The following GLMN variants were observed in gnomAD, a reference collection of about 807,000 sequenced individuals.
GLMN encodes the protein glomulin, FKBP associated protein, also known as glomulin.
A neutral mutation model predicts 87.8 loss-of-function variants in GLMN; 75 were observed. The ratio of observed to expected loss-of-function variants is 0.85; its 90% confidence interval spans 0.71 to 1.04. The LOEUF (loss-of-function observed/expected upper bound fraction) is 1.04, where lower values mean the gene tolerates loss of function less well. GLMN is among the 50% of genes least tolerant of loss of function. GLMN has a pLI of 0.00. For missense variants in GLMN, 588 were observed against 658.8 expected (o/e 0.89, Z 1.18); for synonymous variants, 206 against 221.6 (o/e 0.93, Z 0.63).
the GLMN span, among the ~76,000 whole-genome samples, chr1:92,346,500 G>A: frequency 6.6e-6 from 1 of 151,972 alleles, no homozygotes; most frequent in South Asian, 2.1e-4. Context: ...ATCCTCATGT[G>A]GAGTATATAC....
intron 16 of GLMN, among the ~76,000 whole-genome samples, chr1:92,258,520 T>C (rs555250434): frequency 1.3e-5 from 2 of 152,262 alleles, no homozygotes; most frequent in South Asian, 4.1e-4. Context: ...CCATCAATGA[T>C]AGACTGGATT....
intron 2 of GLMN, 160 bp from the exon 3 acceptor site, chr1:92,297,689 C>T (rs1018068806): frequency 1.0e-5 from 7 of 679,760 alleles, no homozygotes; most frequent in African/African-American, 1.8e-5. Context: ...TTAGGATTAC[C>T]CTAATAAATA....
chr1:92,317,422 C>G, the GLMN span, among the ~76,000 whole-genome samples: 1 of 151,830 alleles, frequency 6.6e-6, no homozygotes, highest in Non-Finnish European at 1.5e-5. Context: ...GCAGGACAAT[C>G]GCTTCAACCT....
chr1:92,275,789 C>A (rs1647236580), intron 7 of GLMN, among the ~76,000 whole-genome samples: 1 of 152,184 alleles, frequency 6.6e-6, no homozygotes, highest in African/African-American at 2.4e-5. Flanking sequence ...TTCTAAAACT[C>A]TACTACACCA....
At chr1:92,321,505 G>C in the GLMN span, among the ~76,000 whole-genome samples, 5 of 151,546 alleles carry the variant, frequency 3.3e-5, no homozygotes, top group East Asian at 9.7e-4. Context: ...CCCACAGCTT[G>C]CTTCTTGACC....
At chr1:92,365,170 G>A in the GLMN span, among the ~76,000 whole-genome samples, 1 of 152,100 alleles carries the variant, frequency 6.6e-6, no homozygotes, top group African/African-American at 2.4e-5. Context: ...TACCTCCCTT[G>A]TATAAACCCC....
At chr1:92,289,209 C>T (rs535536154) in intron 5 of GLMN, 58 bp from the exon 6 acceptor site, 15 of 994,298 alleles carry the variant, frequency 1.5e-5, no homozygotes, top group Middle Eastern at 2.0e-4. Flanking sequence ...ACAAGAAATT[C>T]GGCAAATGTG....
At chr1:92,333,465 G>A in the GLMN span, 1 of 1,611,076 alleles carries the variant, frequency 6.2e-7, no homozygotes, top group Non-Finnish European at 8.5e-7. Context: ...TTGAAAAGTT[G>A]AGTAAAGTGT....
chr1:92,368,357 C>T, the GLMN span, among the ~76,000 whole-genome samples: 1 of 151,948 alleles, frequency 6.6e-6, no homozygotes, highest in Non-Finnish European at 1.5e-5. Context: ...CTAGCCTGGG[C>T]GACAGAGCAA....
At chr1:92,282,954 A>G (rs943713577) in intron 7 of GLMN, among the ~76,000 whole-genome samples, 1 of 152,238 alleles carries the variant, frequency 6.6e-6, no homozygotes, top group African/African-American at 2.4e-5. Flanking sequence ...GAATAGACCA[A>G]TAACAGGTTC....
At chr1:92,343,298 T>C in the GLMN span, among the ~76,000 whole-genome samples, 1 of 152,184 alleles carries the variant, frequency 6.6e-6, no homozygotes, top group Admixed American at 6.5e-5. Context: ...TGGCTGTCTC[T>C]TGTACAGTTA....
At chr1:92,367,436 G>C in the GLMN span, among the ~76,000 whole-genome samples, 7 of 152,200 alleles carry the variant, frequency 4.6e-5, no homozygotes, top group African/African-American at 1.7e-4. Context: ...CATAGTGCCT[G>C]TGCATGTACA....
chr1:92,255,083 GAAAAA>G (rs543661361), intron 16 of GLMN, among the ~76,000 whole-genome samples: 1 of 135,860 alleles, frequency 7.4e-6, no homozygotes, highest in Non-Finnish European at 1.6e-5. Flanking sequence ...CAAACGGAAA[GAAAAA>G]AAAAAAGCAG....
intron 6 of GLMN, among the ~76,000 whole-genome samples, chr1:92,286,957 A>G (rs1188229202): frequency 6.6e-6 from 1 of 152,232 alleles, no homozygotes; most frequent in African/African-American, 2.4e-5. Context: ...ATTTCTGTTC[A>G]TTATAAATCA....
At chr1:92,280,206 G>C (rs1357209830) in intron 7 of GLMN, among the ~76,000 whole-genome samples, 1 of 152,222 alleles carries the variant, frequency 6.6e-6, no homozygotes, top group African/African-American at 2.4e-5. Flanking sequence ...ACACCTGCCA[G>C]TAGGGGGCCG....
At chr1:92,259,828 G>A (rs1317548518) in intron 16 of GLMN, among the ~76,000 whole-genome samples, 7 of 137,846 alleles carry the variant, frequency 5.1e-5, no homozygotes, top group Admixed American at 2.5e-4. Context: ...TCCGCCTCCC[G>A]GTTCACGCCA....
At chr1:92,321,977 A>G in the GLMN span, among the ~76,000 whole-genome samples, 2 of 135,176 alleles carry the variant, frequency 1.5e-5, no homozygotes, top group African/African-American at 5.6e-5. Context: ...ACAGAGTCTC[A>G]CTCTATCACC....
chr1:92,303,988 T>C, the GLMN span: 3 of 1,607,076 alleles, frequency 1.9e-6, no homozygotes, highest in South Asian at 2.2e-5. Flanking sequence ...GGAGGTTCAT[T>C]ACACCTGCTC....
At chr1:92,281,441 G>C (rs1405683677) in intron 7 of GLMN, among the ~76,000 whole-genome samples, 1 of 152,076 alleles carries the variant, frequency 6.6e-6, no homozygotes, top group Non-Finnish European at 1.5e-5. Context: ...TCACCACCAG[G>C]CCTGCCTTAC....
Sources: allele counts gnomAD v4.1 joint callset (sites outside exome capture counted in the v4.1 genomes callset), GRCh38; gene constraint gnomAD v4.1.1; transcripts MANE v1.5; gene names NCBI Gene and HGNC (gene_info 2026-07-23, HGNC 2026-07-21).